The following HMGA2 variants were observed in gnomAD, a reference collection of about 807,000 sequenced individuals.
The protein encoded by HMGA2 is high mobility group protein HMGI-C.
HMGA2 carries 8 observed loss-of-function variants against 19.1 expected under a neutral mutation model. That is an observed-to-expected ratio of 0.42 (90% CI 0.25 to 0.76). The LOEUF is 0.76. Among genes scored for constraint, HMGA2 ranks in the 30% least tolerant of loss-of-function variants. The pLI, the probability that HMGA2 is intolerant of heterozygous loss-of-function variation, is 0.28. For missense variants in HMGA2, 109 were observed against 136.3 expected (o/e 0.80, Z 1.00); for synonymous variants, 60 against 48.8 (o/e 1.23, Z -0.96).
chr12:65,864,677 A>G (rs560970763), intron 3 of HMGA2, among the ~76,000 whole-genome samples: 1 of 152,226 alleles, frequency 6.6e-6, no homozygotes, highest in Non-Finnish European at 1.5e-5. Context: ...AGGACACACT[A>G]CAAATGATTT....
chr12:65,870,897 G>A (rs1166460090), intron 3 of HMGA2, among the ~76,000 whole-genome samples: 1 of 152,184 alleles, frequency 6.6e-6, no homozygotes, highest in Admixed American at 6.5e-5. Context: ...ATGGGTGAGG[G>A]GGTGGATGTG....
intron 1 of HMGA2, chr12:65,826,485 A>G (rs529742907): frequency 6.6e-6 from 1 of 152,236 alleles, no homozygotes; most frequent in Non-Finnish European, 1.5e-5. Flanking sequence ...CGCTTCCTTC[A>G]TGGCAAACAC....
intron 3 of HMGA2, among the ~76,000 whole-genome samples, chr12:65,886,843 C>A (rs1364287205): frequency 6.6e-6 from 1 of 152,216 alleles, no homozygotes; most frequent in South Asian, 2.1e-4. Flanking sequence ...CGGTCACTTT[C>A]ACTCTATCTT....
chr12:65,906,110 A>T (rs892567582), intron 3 of HMGA2, among the ~76,000 whole-genome samples: 2 of 152,204 alleles, frequency 1.3e-5, no homozygotes, highest in African/African-American at 4.8e-5. Context: ...GCTGTTCCAT[A>T]TGTTAATTTA....
At chr12:65,961,738 A>T (rs980800625) in intron 4 of HMGA2, among the ~76,000 whole-genome samples, 3 of 150,168 alleles carry the variant, frequency 2.0e-5, no homozygotes, top group African/African-American at 7.3e-5. Context: ...CCCAGGATAG[A>T]GTGTGTGTGT....
chr12:65,835,340 C>T (rs1221461695), intron 2 of HMGA2, among the ~76,000 whole-genome samples: 1 of 152,152 alleles, frequency 6.6e-6, no homozygotes, highest in Non-Finnish European at 1.5e-5. Context: ...AAAACCCTAA[C>T]TTGTTTTGCA....
chr12:65,852,220 G>A lies in HMGA2; in HGVS notation c.249+13651G>A, dbSNP rs73119867. Among the ~76,000 whole-genome samples, 316 of 152,274 alleles carry A rather than the reference G, an allele frequency of 2.1e-3. 1 individual carries two copies. The highest frequency in any genetic ancestry group is 3.9e-3 in the Admixed American group (60 of 15,302). On this transcript the variant is annotated intron_variant, in intron 3 of 4. Transcript: ENST00000403681. ...CAATTAAAATTTCATACACTAGCTG[G>A]ATGCGGGGGCTCACGCCTACAATCC... is the stretch of plus-strand genomic sequence containing the variant.
intron 3 of HMGA2, among the ~76,000 whole-genome samples, chr12:65,885,340 T>C (rs1873610827): frequency 3.3e-5 from 5 of 152,174 alleles, no homozygotes; most frequent in Admixed American, 3.3e-4. Flanking sequence ...ACGAGATACA[T>C]ATTTCTCAGA....
chr12:65,908,475 C>CT (rs776297417), intron 3 of HMGA2, among the ~76,000 whole-genome samples: 42 of 152,172 alleles, frequency 2.8e-4, no homozygotes, highest in Admixed American at 7.8e-4. Context: ...CACATCCTTT[C>CT]TTTTTTTTCC....
chr12:65,854,834 G>T (rs1871652014), intron 3 of HMGA2, among the ~76,000 whole-genome samples: 2 of 152,194 alleles, frequency 1.3e-5, no homozygotes, highest in Non-Finnish European at 2.9e-5. Flanking sequence ...AACTTTGCAT[G>T]ACTGTAGGAA....
At chr12:65,923,117 C>T (rs1038545254) in intron 3 of HMGA2, among the ~76,000 whole-genome samples, 6 of 152,064 alleles carry the variant, frequency 3.9e-5, no homozygotes, top group South Asian at 2.1e-4. Context: ...CAATTGGAAA[C>T]GAGGGGAAGC....
At chr12:65,952,277 T>C (rs1027542906) in intron 4 of HMGA2, 3 of 1,012,666 alleles carry the variant, frequency 3.0e-6, no homozygotes, top group African/African-American at 3.2e-5. Context: ...AGTAGAACTC[T>C]TTCATGTAAT....
At chr12:65,832,748 C>A (rs1332208052) in intron 2 of HMGA2, among the ~76,000 whole-genome samples, 2 of 152,022 alleles carry the variant, frequency 1.3e-5, no homozygotes, top group Admixed American at 1.3e-4. Context: ...TGTTTTAATA[C>A]ACTGAGCAAT....
intron 3 of HMGA2, chr12:65,948,303 T>C (rs892991415): frequency 2.0e-5 from 3 of 152,234 alleles, no homozygotes; most frequent in African/African-American, 7.2e-5. Context: ...ATCATTGATG[T>C]TATTCAGGTC....
chr12:65,910,724 A>G (rs1874808006), intron 3 of HMGA2, among the ~76,000 whole-genome samples: 3 of 152,066 alleles, frequency 2.0e-5, no homozygotes, highest in African/African-American at 7.2e-5. Flanking sequence ...AAAACATCTT[A>G]TTAGTTCTTG....
intron 3 of HMGA2, among the ~76,000 whole-genome samples, chr12:65,929,246 T>C (rs915699367): frequency 6.6e-6 from 1 of 152,166 alleles, no homozygotes; most frequent in Admixed American, 6.5e-5. Flanking sequence ...CCATACTCTA[T>C]AGTTCAGTGT....
At position 65,863,619 on chromosome 12, in the gene HMGA2, A is replaced by G. The variant is rs1872227385; in HGVS notation, c.249+25050A>G. Among the ~76,000 whole-genome samples the G allele has an allele frequency of 2.0e-5, 3 of 152,252 alleles. No individual in the cohort carries two copies. The South Asian group carries it at 6.2e-4, about 31-fold the overall frequency. ...TATCCTTTGCATGGACCAGATGATG[A>G]GAAACTAAATTGTAATTTGGGATTC... On this transcript the variant is annotated intron_variant, in intron 3 of 4. Transcript: ENST00000403681.
At chr12:65,931,437 A>G (rs1444410985) in intron 3 of HMGA2, among the ~76,000 whole-genome samples, 1 of 152,066 alleles carries the variant, frequency 6.6e-6, no homozygotes, top group Non-Finnish European at 1.5e-5. Flanking sequence ...AAAGCAATCA[A>G]ATGTTGAAAG....
At chr12:65,905,189 C>CAT (rs1036337852) in intron 3 of HMGA2, among the ~76,000 whole-genome samples, 12 of 151,878 alleles carry the variant, frequency 7.9e-5, no homozygotes, top group African/African-American at 2.7e-4. Context: ...TTATCACACA[C>CAT]ACACACACAC....
Sources: gnomAD v4.1 joint callset for allele counts (sites outside exome capture counted in the v4.1 genomes callset) on GRCh38, gnomAD v4.1.1 for gene constraint, MANE v1.5 for transcripts, NCBI Gene and HGNC (gene_info 2026-07-23, HGNC 2026-07-21) for gene names.